TRHDE: variants seen among roughly 807,000 people sequenced by gnomAD.
The protein encoded by TRHDE is thyrotropin-releasing hormone-degrading ectoenzyme.
In TRHDE, 72 loss-of-function variants were observed where a neutral mutation model predicts 125.7. The ratio of observed to expected loss-of-function variants is 0.57; its 90% CI spans 0.47 to 0.70. The LOEUF is 0.70. Ranked by LOEUF, TRHDE falls within the 30% of genes least tolerant of loss-of-function variation. The pLI, the probability that TRHDE is intolerant of heterozygous loss-of-function variation, is 0.00. For missense variants in TRHDE, 1,110 were observed against 1,327.1 expected, an observed-to-expected ratio of 0.84 and a Z score of 2.54; for synonymous variants, 509 against 509.1, an observed-to-expected ratio of 1.00 and a Z score of 0.00.
chr12:72,535,036 G>T (rs186598692), intron 6 of TRHDE, among the ~76,000 whole-genome samples: 12 of 151,970 alleles, frequency 7.9e-5, no homozygotes, highest in Admixed American at 2.0e-4. Flanking sequence ...GATTTGGGGG[G>T]CAGGGGACTA....
chr12:72,102,711 A>T (rs1431286218), intron 1 of TRHDE, among the ~76,000 whole-genome samples: 2 of 152,192 alleles, frequency 1.3e-5, no homozygotes, highest in Non-Finnish European at 2.9e-5. Context: ...TTTCTAACCT[A>T]TAACTGTTAA....
At chr12:72,189,352 G>C (rs898657329) in intron 2 of TRHDE, among the ~76,000 whole-genome samples, 1 of 152,144 alleles carries the variant, frequency 6.6e-6, no homozygotes. Context: ...TATGGATAGA[G>C]GCTTTTCTAT....
chr12:72,277,414 C>A (rs769501233), intron 1 of TRHDE, among the ~76,000 whole-genome samples: 2 of 152,184 alleles, frequency 1.3e-5, no homozygotes, highest in African/African-American at 2.4e-5. Context: ...AAAGCAACTT[C>A]ATTTCTCCCA....
chr12:72,535,760 C>G (rs184997293), intron 6 of TRHDE, among the ~76,000 whole-genome samples: 1 of 151,722 alleles, frequency 6.6e-6, no homozygotes, highest in Admixed American at 6.6e-5. Flanking sequence ...TTATTCCATA[C>G]CAAAAGACAT....
chr12:72,385,329 G>A (rs1872365211), intron 3 of TRHDE, among the ~76,000 whole-genome samples: 1 of 151,946 alleles, frequency 6.6e-6, no homozygotes, highest in African/African-American at 2.4e-5. Context: ...CATTATTAGT[G>A]CTTTTCTGGA....
At chr12:72,648,538 T>C (rs2136106762) in intron 15 of TRHDE, among the ~76,000 whole-genome samples, 1 of 152,254 alleles carries the variant, frequency 6.6e-6, no homozygotes, top group East Asian at 1.9e-4. Flanking sequence ...AATAAGCAAA[T>C]TCAGTATATT....
intron 2 of TRHDE, among the ~76,000 whole-genome samples, chr12:72,120,536 G>A (rs1257623805): frequency 6.6e-6 from 1 of 151,874 alleles, no homozygotes; most frequent in Non-Finnish European, 1.5e-5. Context: ...AGGTTACCAT[G>A]AGGCTTGCAA....
chr12:72,361,041 C>T (rs2135751286), intron 2 of TRHDE, among the ~76,000 whole-genome samples: 1 of 151,892 alleles, frequency 6.6e-6, no homozygotes, highest in South Asian at 2.1e-4. Context: ...CATATGTTCT[C>T]ATTGTTCGGC....
intron 3 of TRHDE, among the ~76,000 whole-genome samples, chr12:72,402,071 A>G (rs1011182814): frequency 6.6e-6 from 1 of 152,140 alleles, no homozygotes; most frequent in East Asian, 1.9e-4. Flanking sequence ...GGCTAAAACA[A>G]CAGAAATTGA....
In TRHDE at chr12:72,174,731, C is replaced by T. The variant is rs529441931; in HGVS notation, n.279+68979C>T. 5.3e-5 allele frequency among the ~76,000 whole-genome samples: 8 copies of T among 152,274 alleles called. No homozygotes were observed. In the East Asian group the frequency reaches 1.2e-3, roughly 22 times the overall value. On this transcript the variant is annotated intron_variant and non_coding_transcript_variant, in intron 2 of 4. Transcript: ENST00000548156. ...CTGTAAGAATACTACATAAATGATC[C>T]TATGTCCTTCTTAGTGCTTCATATC... is the stretch of plus-strand genomic sequence containing the variant.
intron 1 of TRHDE, among the ~76,000 whole-genome samples, chr12:72,101,280 G>A (rs1046966437): frequency 2.4e-4 from 36 of 152,186 alleles, no homozygotes; most frequent in African/African-American, 8.0e-4. Context: ...TACTCAGGTC[G>A]TCTGCTCGAA....
chr12:72,575,664 G>A, intron 12 of TRHDE, 122 bp downstream of exon 12: 1 of 948,332 alleles, frequency 1.1e-6, no homozygotes, highest in South Asian at 1.5e-5. Flanking sequence ...TCTATCTTAT[G>A]TTCTTTGACT....
intron 12 of TRHDE, among the ~76,000 whole-genome samples, chr12:72,607,843 G>A (rs1872511723): frequency 6.6e-6 from 1 of 152,042 alleles, no homozygotes; most frequent in African/African-American, 2.4e-5. Context: ...GCCTTTCCAA[G>A]CCTTTCCTCT....
At chr12:72,166,907 C>CGTGTGTGTGTGTGTGTGTGTGT (rs59590935) in intron 2 of TRHDE, among the ~76,000 whole-genome samples, 2 of 139,234 alleles carry the variant, frequency 1.4e-5, no homozygotes, top group African/African-American at 5.4e-5. Flanking sequence ...GGTAGATGAA[C>CGTGTGTGTGTGTGTGTGTGTGT]GTGTGTGTGT....
At chr12:72,092,926 C>T (rs543979668) in intron 1 of TRHDE, among the ~76,000 whole-genome samples, 1 of 152,168 alleles carries the variant, frequency 6.6e-6, no homozygotes, top group Non-Finnish European at 1.5e-5. Context: ...CCATCTTAGC[C>T]TCCCCAAGGC....
intron 12 of TRHDE, among the ~76,000 whole-genome samples, chr12:72,592,149 TTC>T (rs1272205894): frequency 1.3e-5 from 2 of 152,184 alleles, no homozygotes; most frequent in African/African-American, 4.8e-5. Flanking sequence ...ATTATCTACC[TTC>T]TCCCTGGTAT....
chr12:72,251,706 GGTAACTCCATGCTTA>G (rs1246563998), intron 2 of TRHDE, among the ~76,000 whole-genome samples: 2 of 151,944 alleles, frequency 1.3e-5, no homozygotes, highest in Non-Finnish European at 2.9e-5. Context: ...TGGGATGTAT[GGTAACTCCATGCTTA>G]GTTTTTAGAA....
At chr12:72,198,921 A>G (rs1276584215) in intron 2 of TRHDE, among the ~76,000 whole-genome samples, 4 of 151,612 alleles carry the variant, frequency 2.6e-5, no homozygotes, top group African/African-American at 4.9e-5. Flanking sequence ...ACGTCTTACC[A>G]TGGTGAAGCA....
chr12:72,323,817 T>G (rs1172335479), intron 2 of TRHDE, among the ~76,000 whole-genome samples: 1 of 120,314 alleles, frequency 8.3e-6, no homozygotes, highest in Non-Finnish European at 1.9e-5. Context: ...CAAGATGAAA[T>G]TATGGAGCGA....
Sources: allele counts gnomAD v4.1 joint callset (sites outside exome capture counted in the v4.1 genomes callset), GRCh38; gene constraint gnomAD v4.1.1; transcripts MANE v1.5; gene names NCBI Gene and HGNC (gene_info 2026-07-23, HGNC 2026-07-21).